Variants in EML4 observed in about 807,000 individuals in gnomAD.
EML4 encodes the protein EMAP like 4, also known as echinoderm microtubule-associated protein-like 4.
In EML4, 72 loss-of-function variants were observed where a neutral mutation model predicts 129.0. That is an observed-to-expected ratio of 0.56 (90% CI 0.46 to 0.68). EML4 has a LOEUF of 0.68. Among genes scored for constraint, EML4 ranks in the 30% least tolerant of loss-of-function variants. EML4 has a pLI of 0.00. For missense variants in EML4, 1,363 were observed against 1,190.6 expected (o/e 1.14, Z -2.13); for synonymous variants, 532 against 405.0 (o/e 1.31, Z -3.77).
chr2:42,239,370 A>C (rs1375363960), intron 1 of EML4, among the ~76,000 whole-genome samples: 2 of 152,264 alleles, frequency 1.3e-5, no homozygotes, highest in African/African-American at 4.8e-5. Context: ...ATTTCTCAAC[A>C]GTTCAGAAAA....
chr2:42,266,856 A>G (rs577879843), intron 6 of EML4, among the ~76,000 whole-genome samples: 14 of 152,306 alleles, frequency 9.2e-5, no homozygotes, highest in Non-Finnish European at 1.9e-4. Context: ...ATGAAATAAT[A>G]TATATGAAAT....
rs538283041 is a variant in EML4, at chr2:42,196,512, A to G, written c.25+26876A>G. 5.9e-5 allele frequency among the ~76,000 whole-genome samples: 9 copies of G among 152,320 alleles called. No individual in the cohort carries two copies. In the South Asian group the frequency reaches 1.2e-3, roughly 21 times the overall value. On this transcript the variant is annotated intron_variant, in intron 1 of 22. Transcript: ENST00000318522. ...AAGGATAAATTGAGAGTCAGCTGCA[A>G]TCACCAACAAATCTAGACTGTGAGA...
intron 13 of EML4, among the ~76,000 whole-genome samples, chr2:42,297,506 C>T (rs1487461464): frequency 6.6e-6 from 1 of 152,192 alleles, no homozygotes. Flanking sequence ...AATTGCTGGG[C>T]ACATGAAATG....
At chr2:42,230,821 T>C (rs1674291509) in intron 1 of EML4, among the ~76,000 whole-genome samples, 1 of 152,228 alleles carries the variant, frequency 6.6e-6, no homozygotes, top group Admixed American at 6.5e-5. Flanking sequence ...CCTTCATTCT[T>C]AGATAAAAGT....
intron 5 of EML4, 65 bp from the exon 6 acceptor site, chr2:42,264,638 TGAG>T: frequency 1.1e-6 from 1 of 871,518 alleles, no homozygotes; most frequent in East Asian, 2.6e-5. Context: ...TACAGTTTCT[TGAG>T]GTGATTTTAA....
At chr2:42,169,815 C>G in intron 1 of EML4, 179 bp downstream of exon 1, 1 of 600,566 alleles carries the variant, frequency 1.7e-6, no homozygotes, top group Non-Finnish European at 2.7e-6. Flanking sequence ...GCCCCTCCCC[C>G]ATGTCCAACT....
chr2:42,244,407 G>A (rs1675248872), intron 1 of EML4, among the ~76,000 whole-genome samples: 1 of 152,140 alleles, frequency 6.6e-6, no homozygotes, highest in South Asian at 2.1e-4. Flanking sequence ...AGCAATTGAT[G>A]TTTCTATATG....
intron 6 of EML4, chr2:42,264,937 A>T: frequency 6.5e-7 from 1 of 1,550,176 alleles, no homozygotes; most frequent in Non-Finnish European, 8.7e-7. Context: ...TCAACTCGCG[A>T]AAAAAACAGC....
At chr2:42,275,494 G>C (rs1358986442) in intron 6 of EML4, among the ~76,000 whole-genome samples, 2 of 152,208 alleles carry the variant, frequency 1.3e-5, no homozygotes, top group African/African-American at 2.4e-5. Context: ...AAGGAGGTTA[G>C]ACTAGGAGAG....
chr2:42,329,795 A>C lies in EML4; in HGVS notation c.2534A>C (p.Asn845Thr). Reference protein sequence around the residue: ...SHVTNVSFTHNDSHLISTGGK... With the variant: ...SHVTNVSFTHTDSHLISTGGK... ...GTCACCAATGTCAGTTTTACTCACAATGACAGTCACCTGATATCAACTGGT... is the reference window on the plus strand; with the variant it reads ...GTCACCAATGTCAGTTTTACTCACACTGACAGTCACCTGATATCAACTGGT... The change falls in exon 23 of 23, where the codon AAT becomes ACT. Residue 845 changes from asparagine (N) to threonine (T), a missense_variant. Asn to Thr is a moderately conservative substitution (Grantham distance 65). Transcript: ENST00000318522. 6.2e-7 allele frequency: 1 copy of C among 1,614,168 alleles called. No individual in the cohort carries two copies. The highest frequency in any genetic ancestry group is 1.7e-5 in the Admixed American group (1 of 60,020).
intron 17 of EML4, among the ~76,000 whole-genome samples, chr2:42,304,894 G>A (rs753339233): frequency 3.9e-5 from 6 of 152,056 alleles, no homozygotes; most frequent in Non-Finnish European, 5.9e-5. Context: ...CAAGGTGGGC[G>A]GATCACCTGA....
At chr2:42,285,718 C>T (rs1052710178) in intron 9 of EML4, among the ~76,000 whole-genome samples, 1 of 151,852 alleles carries the variant, frequency 6.6e-6, no homozygotes, top group Non-Finnish European at 1.5e-5. Flanking sequence ...CCTGCCTCAG[C>T]CTCCTGAGTA....
chr2:42,211,236 G>GA (rs376572321), intron 1 of EML4, among the ~76,000 whole-genome samples: 2 of 151,982 alleles, frequency 1.3e-5, no homozygotes, highest in Non-Finnish European at 2.9e-5. Flanking sequence ...AAGCATGGCT[G>GA]AAAAAAAATC....
intron 17 of EML4, among the ~76,000 whole-genome samples, chr2:42,311,906 C>T (rs1270773966): frequency 6.6e-6 from 1 of 152,078 alleles, no homozygotes; most frequent in South Asian, 2.1e-4. Flanking sequence ...GATGAGGTCT[C>T]GCTACATTGA....
chr2:42,206,832 A>C (rs1412259841), intron 1 of EML4, among the ~76,000 whole-genome samples: 1 of 152,240 alleles, frequency 6.6e-6, no homozygotes, highest in East Asian at 1.9e-4. Flanking sequence ...TGAATAACAC[A>C]GTAATCAAGA....
intron 1 of EML4, among the ~76,000 whole-genome samples, chr2:42,222,020 T>A (rs973428359): frequency 1.3e-5 from 2 of 152,028 alleles, no homozygotes; most frequent in Non-Finnish European, 2.9e-5. Context: ...GGTGTGAGCC[T>A]CTGCACCTGG....
intron 1 of EML4, among the ~76,000 whole-genome samples, chr2:42,206,882 C>T (rs1672581022): frequency 6.6e-6 from 1 of 152,140 alleles, no homozygotes; most frequent in Non-Finnish European, 1.5e-5. Flanking sequence ...ATTTGTTGAT[C>T]ATGTAATCTT....
chr2:42,299,916 C>T (rs778039339), intron 13 of EML4, among the ~76,000 whole-genome samples: 21 of 152,156 alleles, frequency 1.4e-4, no homozygotes, highest in Non-Finnish European at 7.3e-5. Context: ...AAACATCTGA[C>T]CTCAGGTGAT....
At chr2:42,280,705 A>G (rs940533082) in intron 6 of EML4, 145 bp from the exon 7 acceptor site, 9 of 621,680 alleles carry the variant, frequency 1.4e-5, no homozygotes, top group South Asian at 2.3e-5. Flanking sequence ...GGACAACTAT[A>G]TAACAAAAAC....
Sources: gnomAD v4.1 joint callset for allele counts (sites outside exome capture counted in the v4.1 genomes callset) on GRCh38, gnomAD v4.1.1 for gene constraint, MANE v1.5 for transcripts, NCBI Gene and HGNC (gene_info 2026-07-23, HGNC 2026-07-21) for gene names.